Variants in C13orf42 observed in about 807,000 individuals in gnomAD.
The protein encoded by C13orf42 is chromosome 13 open reading frame 42, also known as uncharacterized protein C13orf42.
chr13:51,165,049 T>A (rs1056304807), intron 1 of C13orf42, among the ~76,000 whole-genome samples: 2 of 152,164 alleles, frequency 1.3e-5, no homozygotes, highest in Non-Finnish European at 2.9e-5. Context: ...CTGACTATCC[T>A]CCCTTTGCCT....
intron 1 of C13orf42, among the ~76,000 whole-genome samples, chr13:51,133,102 A>G (rs1245165247): frequency 2.0e-5 from 3 of 152,226 alleles, no homozygotes; most frequent in African/African-American, 7.2e-5. Context: ...AGCAGCTTTC[A>G]GGGCTGCTCT....
At chr13:51,132,727 A>T (rs757215525) in intron 1 of C13orf42, among the ~76,000 whole-genome samples, 19 of 152,134 alleles carry the variant, frequency 1.2e-4, no homozygotes, top group Non-Finnish European at 7.3e-5. Flanking sequence ...GGACTAGAGC[A>T]ACTCCATCTT....
At chr13:51,087,153 T>G (rs1953136766) in intron 2 of C13orf42, among the ~76,000 whole-genome samples, 1 of 152,188 alleles carries the variant, frequency 6.6e-6, no homozygotes, top group South Asian at 2.1e-4. Context: ...CATGATGGAA[T>G]GTAAAGGGTG....
intron 1 of C13orf42, among the ~76,000 whole-genome samples, chr13:51,137,556 T>G (rs977836163): frequency 1.3e-5 from 2 of 152,134 alleles, no homozygotes; most frequent in Non-Finnish European, 2.9e-5. Flanking sequence ...CTCCGTCCTT[T>G]TGTCTCCCAC....
Position 51,120,152 on chromosome 13 carries a change from G to A in C13orf42, n.137-6930C>T, listed in dbSNP as rs191531671. On this transcript the variant is annotated intron_variant and non_coding_transcript_variant, in intron 1 of 4. Transcript: ENST00000433280. The stretch of plus-strand genomic sequence containing the variant: ...GTAGAGGTTCCACTTGAGAATTACA[G>A]TAATAATCATGGTTAATATTTGCAA... Among the ~76,000 whole-genome samples, 156 of 152,254 alleles carry A rather than the reference G, an allele frequency of 1.0e-3. 1 individual carries two copies. The Middle Eastern group carries it at 0.014, about 13-fold the overall frequency.
chr13:51,166,439 G>A (rs1953902360), intron 1 of C13orf42, among the ~76,000 whole-genome samples: 1 of 111,412 alleles, frequency 9.0e-6, no homozygotes, highest in East Asian at 2.6e-4. Context: ...TGTGGGGACT[G>A]TGGTGGGGTG....
intron 1 of C13orf42, among the ~76,000 whole-genome samples, chr13:51,099,186 T>C (rs1052608635): frequency 2.0e-5 from 3 of 152,244 alleles, no homozygotes; most frequent in East Asian, 1.9e-4. Flanking sequence ...GTGATACTTA[T>C]CTATTTCTTT....
At chr13:51,085,760 G>A (rs539597672) in intron 2 of C13orf42, among the ~76,000 whole-genome samples, 11 of 152,218 alleles carry the variant, frequency 7.2e-5, no homozygotes, top group Non-Finnish European at 1.3e-4. Flanking sequence ...ATTAAAAATG[G>A]GGACATAGGC....
upstream of C13orf42, among the ~76,000 whole-genome samples, chr13:51,115,210 T>C (rs974862075): frequency 2.0e-5 from 3 of 152,210 alleles, no homozygotes; most frequent in Non-Finnish European, 1.5e-5. Context: ...CCTTTCATCC[T>C]GCAATATTTG....
At chr13:51,164,057 T>C (rs1285498725) in intron 1 of C13orf42, among the ~76,000 whole-genome samples, 3 of 152,190 alleles carry the variant, frequency 2.0e-5, no homozygotes, top group Admixed American at 2.0e-4. Flanking sequence ...ATAATGATGC[T>C]GGCCTTTCTC....
intron 1 of C13orf42, among the ~76,000 whole-genome samples, chr13:51,123,881 C>T (rs551746892): frequency 2.0e-5 from 3 of 152,192 alleles, no homozygotes; most frequent in East Asian, 3.9e-4. Flanking sequence ...AACTAGCCTT[C>T]GGAAGGAATT....
intron 2 of C13orf42, among the ~76,000 whole-genome samples, chr13:51,087,348 C>T (rs528166756): frequency 5.3e-5 from 8 of 152,308 alleles, no homozygotes; most frequent in South Asian, 2.1e-4. Flanking sequence ...ACCTAGCCTA[C>T]GTATGGTCAG....
chr13:51,169,905 T>C (rs562381218), intron 1 of C13orf42, among the ~76,000 whole-genome samples: 1 of 152,358 alleles, frequency 6.6e-6, no homozygotes, highest in African/African-American at 2.4e-5. Context: ...TCGCATCCCC[T>C]GTGACTTGCA....
intron 1 of C13orf42, among the ~76,000 whole-genome samples, chr13:51,147,533 G>A (rs1022432361): frequency 6.6e-5 from 10 of 152,070 alleles, no homozygotes; most frequent in African/African-American, 1.7e-4. Flanking sequence ...AGTTCGAGAC[G>A]AGCCTGGCCA....
rs1397692502 is a variant in C13orf42 at position 51,082,839 on chromosome 13, A to G, written c.*1312T>C. On this transcript the variant is annotated 3_prime_UTR_variant, in exon 4 of 4. Transcript: ENST00000563710. ...AACATGTTGAGATAAAATTTCTAAG[A>G]ATGCAATATAATTACTAGCTGTTTT... The G allele has an allele frequency of 6.6e-6, 1 of 152,244 alleles. No individual in the cohort carries two copies. The highest frequency in any genetic ancestry group is 1.5e-5 in the Non-Finnish European group (1 of 68,040). The allele number at this position is 152,244 out of a possible 1,614,324, so 9.4% of individuals were successfully genotyped here. A position where few individuals can be genotyped will look rare whatever the true frequency, so the allele number is the denominator to read the frequency against.
At chr13:51,136,169 C>T (rs1285188904) in intron 1 of C13orf42, among the ~76,000 whole-genome samples, 1 of 152,214 alleles carries the variant, frequency 6.6e-6, no homozygotes, top group Non-Finnish European at 1.5e-5. Flanking sequence ...TGCCCCACCA[C>T]ACTGTGCTCC....
intron 1 of C13orf42, among the ~76,000 whole-genome samples, chr13:51,129,022 G>A (rs1387877296): frequency 1.3e-5 from 2 of 152,126 alleles, no homozygotes; most frequent in African/African-American, 4.8e-5. Flanking sequence ...GCCCCCTAAT[G>A]GTATTTACTT....
chr13:51,154,778 A>G (rs1263878296), intron 1 of C13orf42, among the ~76,000 whole-genome samples: 2 of 152,240 alleles, frequency 1.3e-5, no homozygotes, highest in Non-Finnish European at 2.9e-5. Context: ...AGCAGTAAAC[A>G]ATGCATGGAA....
At chr13:51,104,934 T>A (rs1953336192) in intron 1 of C13orf42, among the ~76,000 whole-genome samples, 1 of 152,202 alleles carries the variant, frequency 6.6e-6, no homozygotes, top group Non-Finnish European at 1.5e-5. Flanking sequence ...CAGAGGCTGA[T>A]GCCAGTCACA....
Sources: gnomAD v4.1 joint callset for allele counts (sites outside exome capture counted in the v4.1 genomes callset) on GRCh38, gnomAD v4.1.1 for gene constraint, MANE v1.5 for transcripts, NCBI Gene and HGNC (gene_info 2026-07-23, HGNC 2026-07-21) for gene names.